CAMKK2: variants seen among roughly 807,000 people sequenced by gnomAD.
CAMKK2 encodes calcium/calmodulin-dependent protein kinase kinase 2.
CAMKK2 carries 30 observed loss-of-function variants against 67.2 expected under a neutral mutation model. That is an observed-to-expected ratio of 0.45 (90% CI 0.33 to 0.61). CAMKK2 has a LOEUF of 0.61. CAMKK2 is among the 20% of genes least tolerant of loss of function. The pLI is 0.02. For missense variants in CAMKK2, 643 were observed against 802.0 expected, an observed-to-expected ratio of 0.80 and a Z score of 2.39; for synonymous variants, 322 against 326.2, an observed-to-expected ratio of 0.99 and a Z score of 0.14.
At chr12:121,252,513 C>T in intron 11 of CAMKK2, 148 bp downstream of exon 11, 1 of 394,576 alleles carries the variant, frequency 2.5e-6, no homozygotes, top group Non-Finnish European at 4.5e-6. Flanking sequence ...CTGCCTCAGC[C>T]TCCCAAAGTG....
intron 2 of CAMKK2, among the ~76,000 whole-genome samples, chr12:121,271,273 CAA>C (rs11332649): frequency 0.012 from 1,331 of 112,900 alleles, 18 homozygotes; most frequent in African/African-American, 0.036. Context: ...AACTGTGTCT[CAA>C]AAAAAAAAAA....
At chr12:121,248,787 G>GC in intron 13 of CAMKK2, 53 bp from the exon 14 acceptor site, 1 of 1,606,330 alleles carries the variant, frequency 6.2e-7, no homozygotes. Flanking sequence ...CTACCGGGGG[G>GC]CCCTGCCAGC....
At chr12:121,293,336 G>A (rs1900469954) in intron 1 of CAMKK2, among the ~76,000 whole-genome samples, 1 of 152,100 alleles carries the variant, frequency 6.6e-6, no homozygotes, top group South Asian at 2.1e-4. Context: ...CTGATTTAAA[G>A]GAAAATCTGA....
intron 1 of CAMKK2, among the ~76,000 whole-genome samples, chr12:121,275,136 T>A (rs78532186): frequency 6.6e-6 from 1 of 152,124 alleles, no homozygotes; most frequent in Non-Finnish European, 1.5e-5. Context: ...AGAGAAGCCC[T>A]AAGGAGGTTA....
rs1244753304 is a variant in CAMKK2, at chr12:121,253,731, T to G, written c.908-259A>C. Among the ~76,000 whole-genome samples the G allele has an allele frequency of 6.6e-6, 1 of 152,160 alleles. No homozygotes were observed. The highest frequency in any genetic ancestry group is 2.4e-5 in the African/African-American group (1 of 41,434). On this transcript the variant is annotated intron_variant, in intron 9 of 16. Coordinates refer to ENST00000404169, the MANE Select transcript of CAMKK2 (RefSeq NM_001270485.2). This position sits in a 1 kb window ranked among gnomAD's most constrained non-coding sequence, Gnocchi z 5.0. ...TTCTCAACAATGACACATAAAACAC[T>G]GCCAATAGCAATTCGTAATCGCCTG...
In CAMKK2 at chr12:121,238,657, G is replaced by A. The variant is rs191466965; in HGVS notation, c.*2042C>T. On this transcript the variant is annotated 3_prime_UTR_variant, in exon 17 of 17. Transcript: ENST00000404169. ...CTGGCATTCCCTGGAAGAAATCTTA[G>A]ATGGAAGGTTCCGTGGTGGGGAGAA... The A allele has an allele frequency of 9.2e-5, 14 of 152,800 alleles. No individual in the cohort carries two copies. Among genetic ancestry groups the A allele is most frequent in the Admixed American group, 7.8e-4 (12 of 15,296 alleles). The allele number at this position is 152,800 out of a possible 1,614,324, so 9.5% of individuals were successfully genotyped here.
chr12:121,258,585 TCA>T (rs1174100187), intron 7 of CAMKK2, among the ~76,000 whole-genome samples: 1 of 152,148 alleles, frequency 6.6e-6, no homozygotes, highest in African/African-American at 2.4e-5. Context: ...CCTGTCTGTC[TCA>T]GTCTCACACG....
At chr12:121,255,159 G>C (rs1891615120) in intron 9 of CAMKK2, among the ~76,000 whole-genome samples, 2 of 125,782 alleles carry the variant, frequency 1.6e-5, no homozygotes, top group South Asian at 4.7e-4. Flanking sequence ...GTGGGACCTT[G>C]TGATCGTGTA....
At chr12:121,277,133 G>A (rs551888066) in intron 1 of CAMKK2, among the ~76,000 whole-genome samples, 4 of 152,294 alleles carry the variant, frequency 2.6e-5, no homozygotes, top group Admixed American at 6.5e-5. Flanking sequence ...TAGCTACTAC[G>A]CCAGGCACGT....
intron 15 of CAMKK2, 74 bp from the exon 16 acceptor site, chr12:121,244,689 C>A: frequency 1.6e-6 from 2 of 1,244,342 alleles, no homozygotes; most frequent in Non-Finnish European, 2.3e-6. Flanking sequence ...CGTTCCCCCA[C>A]CCTGAGACAC....
intron 4 of CAMKK2, among the ~76,000 whole-genome samples, 179 bp from the exon 5 acceptor site, chr12:121,268,868 G>T (rs544992835): frequency 1.3e-5 from 2 of 152,284 alleles, no homozygotes; most frequent in Non-Finnish European, 2.9e-5. Context: ...AAGCAGCCAT[G>T]GGGTTGTAGG....
In CAMKK2 at chr12:121,268,099, T is replaced by TATATATATATATATAC. The variant is rs755449965; in HGVS notation, c.625+538_625+539insGTATATATATATATAT. On this transcript the variant is annotated intron_variant, in intron 5 of 16. Coordinates refer to ENST00000404169, the MANE Select transcript of CAMKK2 (RefSeq NM_001270485.2). ...CATTGGATGCATATATATATATATA[T>TATATATATATATATAC]ACTCTATTCATATTACTTTTAATGG... 4.9e-5 allele frequency among the ~76,000 whole-genome samples: 7 copies of TATATATATATATATAC among 143,464 alleles called. 1 individual carries two copies. The highest frequency in any genetic ancestry group is 1.1e-4 in the Non-Finnish European group (7 of 64,350). 94.1% of individuals were successfully genotyped at this position (143,464 alleles called of 152,430 possible).
At position 121,253,610 on chromosome 12, in the gene CAMKK2, C is replaced by T. The variant is rs1202711771; in HGVS notation, c.908-138G>A. ...TCCCACAGCCCCAGGCCTTTTCCAA[C>T]CTTCCACTCCCCAAACCCGCTGGGC... is the stretch of plus-strand genomic sequence containing the variant. On this transcript the variant is annotated intron_variant, in intron 9 of 16. Coordinates refer to ENST00000404169, the MANE Select transcript of CAMKK2 (RefSeq NM_001270485.2). The surrounding 1 kb of genome is among the most constrained non-coding windows in gnomAD (Gnocchi z 5.0). The T allele has an allele frequency of 1.4e-6, 1 of 712,526 alleles. No individual in the cohort carries two copies. The highest frequency in any genetic ancestry group is 1.8e-5 in the African/African-American group (1 of 57,032). The allele number at this position is 712,526 out of a possible 1,614,324, so 44.1% of individuals were successfully genotyped here.
At chr12:121,281,675 C>T (rs892611285) in intron 1 of CAMKK2, among the ~76,000 whole-genome samples, 27 of 152,178 alleles carry the variant, frequency 1.8e-4, no homozygotes, top group African/African-American at 6.5e-4. Context: ...AGGCCGGGTG[C>T]GGTGGCTCAT....
In CAMKK2 at chr12:121,296,386, C is replaced by A. The variant is rs554327587; in HGVS notation, c.-60+252G>T. On this transcript the variant is annotated intron_variant, in intron 1 of 16. Transcript: ENST00000404169. The surrounding 1 kb of genome is among the most constrained non-coding windows in gnomAD (Gnocchi z 7.1). ...GCCACCCGGACAGGGCGCGGCCCAG[C>A]CGAGGAGGCCATCCCGAGGCCCAGG... 8.1e-4 allele frequency among the ~76,000 whole-genome samples: 123 copies of A among 152,296 alleles called. No homozygotes were observed. Among genetic ancestry groups the A allele is most frequent in the African/African-American group, 2.9e-3 (119 of 41,570 alleles).
At chr12:121,277,421 T>A (rs1897015452) in intron 1 of CAMKK2, among the ~76,000 whole-genome samples, 1 of 152,230 alleles carries the variant, frequency 6.6e-6, no homozygotes, top group Non-Finnish European at 1.5e-5. Context: ...TTCAAACGGA[T>A]ACTTGTACAC....
chr12:121,295,677 G>A (rs1901003262), intron 1 of CAMKK2, among the ~76,000 whole-genome samples: 1 of 152,164 alleles, frequency 6.6e-6, no homozygotes, highest in Non-Finnish European at 1.5e-5. Flanking sequence ...TAGGGAGATG[G>A]ACGCTGCAGG....
chr12:121,280,527 G>A (rs1405311619), intron 1 of CAMKK2, among the ~76,000 whole-genome samples: 1 of 152,182 alleles, frequency 6.6e-6, no homozygotes, highest in Non-Finnish European at 1.5e-5. Context: ...AACTCTGATC[G>A]CCGGTGAGCC....
rs1566054000 is a variant in CAMKK2 at position 121,253,458 on chromosome 12, T to C, written c.922A>G (p.Ile308Val). Residue 308 changes from isoleucine (I) to valine (V), a missense_variant, in exon 10 of 17, where the codon ATC becomes GTC. Coordinates refer to ENST00000404169, the MANE Select transcript of CAMKK2 (RefSeq NM_001270485.2). The surrounding 1 kb of genome is among the most constrained non-coding windows in gnomAD (Gnocchi z 5.0). ...KGIEYLHYQK[I>V]IHRDIKPSNL... ...GAAGGTTTGATGTCACGGTGGATGA[T>C]CTTCTGGTAGTGTACTGGGGAGGCG... The C allele has an allele frequency of 1.9e-6, 3 of 1,614,080 alleles. No individual in the cohort carries two copies. Among genetic ancestry groups the C allele is most frequent in the Non-Finnish European group, 1.7e-6 (2 of 1,180,010 alleles).
Sources: gnomAD v4.1 joint callset for allele counts (sites outside exome capture counted in the v4.1 genomes callset) on GRCh38, gnomAD v4.1.1 for gene constraint, Gnocchi (gnomAD v3.1) non-coding constraint, MANE v1.5 for transcripts, NCBI Gene and HGNC (gene_info 2026-07-23, HGNC 2026-07-21) for gene names.